TRIO: variants seen among roughly 807,000 people sequenced by gnomAD.
The protein encoded by TRIO is trio Rho guanine nucleotide exchange factor, also known as triple functional domain protein.
TRIO carries 58 observed loss-of-function variants against 351.9 expected under a neutral mutation model. The observed-to-expected ratio is 0.16, with a 90% confidence interval of 0.13 to 0.21. The LOEUF (loss-of-function observed/expected upper bound fraction) is 0.21. Ranked by LOEUF, TRIO falls within the 10% of genes least tolerant of loss-of-function variation. TRIO has a pLI of 1.00. For missense variants in TRIO, 3,201 were observed against 4,027.8 expected (o/e 0.79, Z 5.56); for synonymous variants, 1,758 against 1,595.7 (o/e 1.10, Z -2.42).
intron 7 of TRIO, among the ~76,000 whole-genome samples, chr5:14,304,043 C>T (rs1444076270): frequency 6.6e-6 from 1 of 152,148 alleles, no homozygotes; most frequent in African/African-American, 2.4e-5. Context: ...GAAGGAGCAT[C>T]CTGCTATTGA....
chr5:14,475,306 A>G (rs1246506845), intron 40 of TRIO, among the ~76,000 whole-genome samples: 2 of 152,042 alleles, frequency 1.3e-5, no homozygotes, highest in Non-Finnish European at 2.9e-5. Context: ...CTCAGGGTGG[A>G]GCACGATGTC....
chr5:14,458,408 C>T (rs1294151829), intron 34 of TRIO, among the ~76,000 whole-genome samples: 1 of 152,170 alleles, frequency 6.6e-6, no homozygotes, highest in Non-Finnish European at 1.5e-5. Context: ...TTACCTGTGC[C>T]CACCTCCCTC....
intron 1 of TRIO, among the ~76,000 whole-genome samples, chr5:14,219,249 T>G (rs1792432961): frequency 6.6e-6 from 1 of 150,506 alleles, no homozygotes; most frequent in South Asian, 2.1e-4. Context: ...TTTTTTTTTT[T>G]GTTTACTCTG....
rs1005341663 is a variant in TRIO at position 14,375,370 on chromosome 5, A to T, written c.3331+1027A>T. On this transcript the variant is annotated intron_variant, in intron 19 of 56. Transcript: ENST00000344204. Reference sequence around the variant, plus strand: ...TGTTGGTTGTGTCCTGTCTTTTCTGATTGAAGATATTGTGGTCCTTTTTAG... The same window carrying T: ...TGTTGGTTGTGTCCTGTCTTTTCTGTTTGAAGATATTGTGGTCCTTTTTAG... Among the ~76,000 whole-genome samples, 6 of 149,896 alleles carry T rather than the reference A, an allele frequency of 4.0e-5. No individual in the cohort carries two copies. The East Asian group carries it at 1.2e-3, about 29-fold the overall frequency.
At chr5:14,322,440 A>G (rs1561339079) in intron 9 of TRIO, among the ~76,000 whole-genome samples, 1 of 152,248 alleles carries the variant, frequency 6.6e-6, no homozygotes. Flanking sequence ...TGAATGCAAA[A>G]TGAGGGTCTT....
chr5:14,351,836 G>GT (rs1743156475), intron 11 of TRIO, among the ~76,000 whole-genome samples: 1 of 152,162 alleles, frequency 6.6e-6, no homozygotes, highest in Non-Finnish European at 1.5e-5. Context: ...GGTTGCAGCT[G>GT]GAACAATTCC....
chr5:14,503,147 G>A (rs576529794), intron 54 of TRIO, among the ~76,000 whole-genome samples: 2 of 152,394 alleles, frequency 1.3e-5, no homozygotes, highest in Non-Finnish European at 2.9e-5. Flanking sequence ...AGTGCCATCA[G>A]ACAGCCCGGC....
At chr5:14,429,916 C>T (rs1278822806) in intron 34 of TRIO, among the ~76,000 whole-genome samples, 1 of 152,146 alleles carries the variant, frequency 6.6e-6, no homozygotes, top group Non-Finnish European at 1.5e-5. Context: ...ATTCCAGTAC[C>T]TAGAGACCTG....
In TRIO at chr5:14,461,231, G is replaced by A. The variant is rs1579724092; in HGVS notation, c.5416G>A (p.Val1806Ile). Residue 1806 changes from valine (V) to isoleucine (I), a missense_variant, in exon 35 of 57, where the codon GTC (valine) becomes ATC (isoleucine). Val to Ile is a conservative substitution (Grantham distance 29). Transcript: ENST00000344204. Reference sequence around the variant, plus strand: ...GCACAAGCACAAGAAGAGCCGCGAGGTCCGCAAGAGCGCCGACGCCGGCTC... The same window carrying A: ...GCACAAGCACAAGAAGAGCCGCGAGATCCGCAAGAGCGCCGACGCCGGCTC... ...LAHKHKKSRE[V>I]RKSADAGSQK... is the part of the protein sequence containing the mutation. The A allele has an allele frequency of 1.3e-6, 2 of 1,584,398 alleles. No homozygotes were observed. Among genetic ancestry groups the A allele is most frequent in the African/African-American group, 1.3e-5 (1 of 74,500 alleles).
chr5:14,486,708 A>G (rs1755941774), intron 47 of TRIO, among the ~76,000 whole-genome samples: 1 of 152,168 alleles, frequency 6.6e-6, no homozygotes. Flanking sequence ...CCAGAGGATT[A>G]AAGGAGATCG....
chr5:14,460,409 C>T (rs1162236551), intron 34 of TRIO, among the ~76,000 whole-genome samples: 2 of 152,162 alleles, frequency 1.3e-5, no homozygotes, highest in Admixed American at 6.5e-5. Flanking sequence ...CAGTCGCCGG[C>T]TTTGTCCTGG....
intron 1 of TRIO, among the ~76,000 whole-genome samples, chr5:14,247,208 C>T (rs1054403524): frequency 2.0e-5 from 3 of 152,362 alleles, no homozygotes; most frequent in African/African-American, 4.8e-5. Context: ...CTGCTGCCCT[C>T]GGCTGGAGCC....
At position 14,145,206 on chromosome 5, in the gene TRIO, A is replaced by G. The variant is rs567927574; in HGVS notation, c.157+1324A>G. ...CAGATTCGGTGAGATCAGTTCCCCAATCCGGGTCACGAGGAGCAATTGCAG... is the reference window on the plus strand; with the variant it reads ...CAGATTCGGTGAGATCAGTTCCCCAGTCCGGGTCACGAGGAGCAATTGCAG... On this transcript the variant is annotated intron_variant, in intron 1 of 56. Transcript: ENST00000344204. Among the ~76,000 whole-genome samples the G allele has an allele frequency of 5.3e-5, 8 of 152,270 alleles. No individual in the cohort carries two copies. In the South Asian group the frequency reaches 6.2e-4, roughly 12 times the overall value.
chr5:14,324,837 C>G (rs535659184), intron 9 of TRIO, among the ~76,000 whole-genome samples: 5 of 152,284 alleles, frequency 3.3e-5, no homozygotes, highest in African/African-American at 9.6e-5. Flanking sequence ...GACAGCCCCC[C>G]CATAATCAAA....
intron 1 of TRIO, among the ~76,000 whole-genome samples, chr5:14,208,744 C>G (rs2152188692): frequency 6.6e-6 from 1 of 152,352 alleles, no homozygotes; most frequent in South Asian, 2.1e-4. Context: ...GACAGTTCAT[C>G]AGACCTTGTT....
chr5:14,361,784 CAAG>C (rs1289357329), intron 13 of TRIO, among the ~76,000 whole-genome samples: 1 of 152,188 alleles, frequency 6.6e-6, no homozygotes, highest in Non-Finnish European at 1.5e-5. Flanking sequence ...TCATCTCTCG[CAAG>C]AAGCTTTTCC....
At chr5:14,282,257 G>A (rs947500081) in intron 3 of TRIO, among the ~76,000 whole-genome samples, 4 of 152,156 alleles carry the variant, frequency 2.6e-5, no homozygotes, top group Admixed American at 2.6e-4. Context: ...TAAAAATAGA[G>A]TGTAAACTAC....
rs574432680 is a variant in TRIO, at chr5:14,509,743, C to G, written c.*1321C>G. ...CCGAGTCACTGTGGCAGCATTCGCA[C>G]TGGTGTGGGGAGTCCTTTCAACTCA... On this transcript the variant is annotated 3_prime_UTR_variant, in exon 57 of 57. Transcript: ENST00000344204. 3.2e-6 allele frequency: 1 copy of G among 313,502 alleles called. No homozygotes were observed. Among genetic ancestry groups the G allele is most frequent in the South Asian group, 2.5e-5 (1 of 39,314 alleles). 19.4% of individuals were successfully genotyped at this position (313,502 alleles called of 1,614,324 possible). A position where few individuals can be genotyped will look rare whatever the true frequency, so the allele number is the denominator to read the frequency against.
intron 31 of TRIO, 43 bp downstream of exon 31, chr5:14,401,107 A>G: frequency 1.3e-6 from 2 of 1,514,820 alleles, no homozygotes; most frequent in Non-Finnish European, 1.8e-6. Context: ...TGAAACATTT[A>G]CTGTGGCCAT....
Sources: gnomAD v4.1 joint callset for allele counts (sites outside exome capture counted in the v4.1 genomes callset) on GRCh38, gnomAD v4.1.1 for gene constraint, MANE v1.5 for transcripts, NCBI Gene and HGNC (gene_info 2026-07-23, HGNC 2026-07-21) for gene names.